Variants in PIAS2 observed in about 807,000 individuals in gnomAD.
PIAS2 encodes the protein E3 SUMO-protein ligase PIAS2.
Under a neutral mutation model 69.7 loss-of-function variants are expected in PIAS2, and 19 were observed. The ratio of observed to expected loss-of-function variants is 0.27; its 90% CI spans 0.19 to 0.40. The LOEUF (loss-of-function observed/expected upper bound fraction) is 0.40. PIAS2 is among the 10% of genes least tolerant of loss of function. The pLI is 1.00. For missense variants in PIAS2, 624 were observed against 757.0 expected, an observed-to-expected ratio of 0.82 and a Z score of 2.06; for synonymous variants, 261 against 263.2, an observed-to-expected ratio of 0.99 and a Z score of 0.08.
chr18:46,815,138 AAAC>A (rs2041373536), intron 13 of PIAS2, among the ~76,000 whole-genome samples, 171 bp downstream of exon 13: 2 of 152,336 alleles, frequency 1.3e-5, no homozygotes, highest in African/African-American at 4.8e-5. Flanking sequence ...CATAAACTGA[AAAC>A]AACTTTATTC....
intron 2 of PIAS2, among the ~76,000 whole-genome samples, chr18:46,866,847 G>C (rs1027185580): frequency 1.3e-5 from 2 of 151,992 alleles, no homozygotes; most frequent in Non-Finnish European, 2.9e-5. Context: ...TCCACTCTTA[G>C]CGTGCCACAA....
chr18:46,911,451 G>C (rs2057258771), intron 1 of PIAS2, among the ~76,000 whole-genome samples: 1 of 152,026 alleles, frequency 6.6e-6, no homozygotes, highest in Non-Finnish European at 1.5e-5. Context: ...CCTGACCTGA[G>C]GCGATCCGCC....
At chr18:46,877,573 C>T (rs1459106430) in intron 2 of PIAS2, among the ~76,000 whole-genome samples, 2 of 152,284 alleles carry the variant, frequency 1.3e-5, no homozygotes, top group East Asian at 1.9e-4. Context: ...TGCCCAAACA[C>T]GTCTTGTACC....
chr18:46,818,578 C>A, intron 12 of PIAS2: 3 of 745,248 alleles, frequency 4.0e-6, no homozygotes, highest in Non-Finnish European at 5.5e-6. Context: ...TTATCAATAC[C>A]AAAACTCTTC....
rs556920431 is a variant in PIAS2, at chr18:46,908,754, A to G, written c.24+8568T>C. On this transcript the variant is annotated intron_variant, in intron 1 of 13. Coordinates refer to ENST00000585916, the MANE Select transcript of PIAS2 (RefSeq NM_004671.5). ...CTGGATGCAGTTGCTCATGCCTATA[A>G]TCCCAGCACTTTGGGAGACCAAGGT... Among the ~76,000 whole-genome samples, 5 of 152,350 alleles carry G rather than the reference A, an allele frequency of 3.3e-5. No homozygotes were observed. In the East Asian group the frequency reaches 7.7e-4, roughly 23 times the overall value.
At chr18:46,880,423 AG>A (rs1801299255) in intron 2 of PIAS2, among the ~76,000 whole-genome samples, 1 of 152,076 alleles carries the variant, frequency 6.6e-6, no homozygotes, top group South Asian at 2.1e-4. Context: ...GGGCAGGGCA[AG>A]GTACAGTGAC....
upstream of PIAS2, among the ~76,000 whole-genome samples, chr18:46,918,272 G>T (rs1434709035): frequency 3.3e-5 from 5 of 152,124 alleles, no homozygotes; most frequent in African/African-American, 1.2e-4. Context: ...ATCGCTGGAC[G>T]GTGTCCAGGG....
intron 12 of PIAS2, among the ~76,000 whole-genome samples, chr18:46,818,920 A>G (rs749460675): frequency 4.6e-5 from 7 of 152,044 alleles, no homozygotes; most frequent in Non-Finnish European, 8.8e-5. Flanking sequence ...GTTCAGACAT[A>G]TTTTACTGCA....
Position 46,809,303 on chromosome 18 carries a change from T to C in PIAS2, c.*3130A>G, listed in dbSNP as rs2040858455. On this transcript the variant is annotated 3_prime_UTR_variant, in exon 14 of 14. Coordinates refer to ENST00000585916, the MANE Select transcript of PIAS2 (RefSeq NM_004671.5). The stretch of plus-strand genomic sequence containing the variant: ...AGGACAGATGCCAAGTTTTTATAAC[T>C]TCAGGCCAGAAAATCCTCAAGTGGC... 1.3e-5 allele frequency: 2 copies of C among 152,164 alleles called. No individual in the cohort carries two copies. The highest frequency in any genetic ancestry group is 2.1e-4 in the South Asian group (1 of 4,836). The allele number at this position is 152,164 out of a possible 1,614,324, so 9.4% of individuals were successfully genotyped here.
rs11878063 is a variant in PIAS2, at chr18:46,895,446, G to A, written c.25-4392C>T. On this transcript the variant is annotated intron_variant, in intron 1 of 13. Transcript: ENST00000585916. ...AGCACTTCGGGAGGCCAAAGCGGGC[G>A]GATCATCTGAGGTCAGGAGTTGAAG... 1.7e-3 allele frequency among the ~76,000 whole-genome samples: 254 copies of A among 152,244 alleles called. 1 individual carries two copies. The highest frequency in any genetic ancestry group is 5.7e-3 in the African/African-American group (236 of 41,528).
In PIAS2 at chr18:46,806,246, T is replaced by TA. The variant is rs1219204664; in HGVS notation, c.*6186dup. 1.3e-5 allele frequency: 2 copies of TA among 151,578 alleles called. No individual in the cohort carries two copies. The highest frequency in any genetic ancestry group is 1.3e-4 in the Admixed American group (2 of 15,228). 9.4% of individuals were successfully genotyped at this position (151,578 alleles called of 1,614,324 possible). The stretch of plus-strand genomic sequence containing the variant: ...TCATTCACTGTGACCTTGGGAAACT[T>TA]ACCTAAACCTGTTTCATTTGTAAAA... On this transcript the variant is annotated 3_prime_UTR_variant, in exon 14 of 14. Transcript: ENST00000585916.
chr18:46,820,997 T>C lies in PIAS2; in HGVS notation c.1584A>G (p.Ser528=). The C allele has an allele frequency of 1.9e-6, 3 of 1,613,652 alleles. No individual in the cohort carries two copies. The highest frequency in any genetic ancestry group is 2.5e-6 in the Non-Finnish European group (3 of 1,179,664). ...GGAATGGTACTGAGTAGTCTGTTAA[T>C]GAAGGCGGAATAGCAGCAGGATCAA... ...TSVDPAAIPP[S]LTDYSVPFHH... is the part of the protein sequence containing the mutation. Residue 528 remains serine (S), a synonymous_variant, in exon 12 of 14, where the codon TCA becomes TCG. Transcript: ENST00000585916.
intron 1 of PIAS2, among the ~76,000 whole-genome samples, chr18:46,895,286 A>T (rs1568805259): frequency 6.6e-6 from 1 of 152,166 alleles, no homozygotes; most frequent in Non-Finnish European, 1.5e-5. Flanking sequence ...ATCTGCTATG[A>T]TGTATATAAT....
chr18:46,868,160 T>C (rs562831979), intron 2 of PIAS2, among the ~76,000 whole-genome samples: 1 of 152,304 alleles, frequency 6.6e-6, no homozygotes, highest in East Asian at 1.9e-4. Context: ...CACACTGCCC[T>C]TCCAAATTCC....
rs8095217 is a variant in PIAS2 at position 46,889,329 on chromosome 18, A to G, written c.499+1251T>C. Among the ~76,000 whole-genome samples, 517 of 152,342 alleles carry G rather than the reference A, an allele frequency of 3.4e-3. 1 individual carries two copies. The highest frequency in any genetic ancestry group is 0.01 in the Middle Eastern group (3 of 294). On this transcript the variant is annotated intron_variant, in intron 2 of 13. Transcript: ENST00000585916. ...ACAGAGTGGGAGAAAATATTTGCAC[A>G]TTCATATATCTGATAAGGGATTATA...
At chr18:46,872,756 T>C (rs2050561270) in intron 2 of PIAS2, among the ~76,000 whole-genome samples, 1 of 152,150 alleles carries the variant, frequency 6.6e-6, no homozygotes, top group African/African-American at 2.4e-5. Context: ...CAGAAAACTT[T>C]TGGGATTAGT....
Position 46,895,113 on chromosome 18 carries a change from A to C in PIAS2, c.25-4059T>G, listed in dbSNP as rs550213543. On this transcript the variant is annotated intron_variant, in intron 1 of 13. Coordinates refer to ENST00000585916, the MANE Select transcript of PIAS2 (RefSeq NM_004671.5). ...AAAATACCTCATCAAACAGGTATAC[A>C]TGACAGTTACATGTAATCACCAGTG... Among the ~76,000 whole-genome samples, 7 of 152,060 alleles carry C rather than the reference A, an allele frequency of 4.6e-5. No homozygotes were observed. The East Asian group carries it at 1.4e-3, about 29-fold the overall frequency.
chr18:46,892,072 A>C lies in PIAS2; in HGVS notation c.25-1018T>G, dbSNP rs1043663630. ...TTTGGTGTCCCATCCCATCCTCATC[A>C]CTCCCCCAACCCAGCCCGTGCTACA... On this transcript the variant is annotated intron_variant, in intron 1 of 13. Transcript: ENST00000585916. Among the ~76,000 whole-genome samples the C allele has an allele frequency of 4.0e-5, 6 of 150,330 alleles. No individual in the cohort carries two copies. In the Admixed American group the frequency reaches 4.0e-4, roughly 10 times the overall value.
chr18:46,846,481 A>G lies in PIAS2; in HGVS notation c.861+226T>C, dbSNP rs192481729. The G allele has an allele frequency of 2.1e-4, 76 of 354,088 alleles. No individual in the cohort carries two copies. The Admixed American group carries it at 2.5e-3, about 12-fold the overall frequency. The allele number at this position is 354,088 out of a possible 1,614,324, so 21.9% of individuals were successfully genotyped here. The stretch of plus-strand genomic sequence containing the variant: ...ATTACCTTAAGAAATATAAATATGC[A>G]TATTTCCTTTCCAGGAAAATAAAGA... On this transcript the variant is annotated intron_variant, in intron 6 of 13. Coordinates refer to ENST00000585916, the MANE Select transcript of PIAS2 (RefSeq NM_004671.5).
Sources: gnomAD v4.1 joint callset for allele counts (sites outside exome capture counted in the v4.1 genomes callset) on GRCh38, gnomAD v4.1.1 for gene constraint, MANE v1.5 for transcripts, NCBI Gene and HGNC (gene_info 2026-07-23, HGNC 2026-07-21) for gene names.